CSMD1: variants seen among roughly 807,000 people sequenced by gnomAD.
The protein encoded by CSMD1 is CUB and Sushi multiple domains 1, also known as CUB and sushi domain-containing protein 1.
Under a neutral mutation model 417.5 loss-of-function variants are expected in CSMD1, and 213 were observed. That is an observed-to-expected ratio of 0.51 (90% confidence interval 0.46 to 0.57). The LOEUF is 0.57. Ranked by LOEUF, CSMD1 falls within the 20% of genes least tolerant of loss-of-function variation. The pLI is 0.00. For missense variants in CSMD1, 6,923 were observed against 4,529.7 expected, an observed-to-expected ratio of 1.53 and a Z score of -15.17; for synonymous variants, 2,862 against 1,736.8, an observed-to-expected ratio of 1.65 and a Z score of -16.11.
intron 3 of CSMD1, among the ~76,000 whole-genome samples, chr8:4,209,137 A>C (rs1484788734): frequency 6.6e-6 from 1 of 152,094 alleles, no homozygotes; most frequent in Non-Finnish European, 1.5e-5. Context: ...CATGATTTCT[A>C]TCTAAAACCA....
At chr8:4,680,222 T>G (rs1407001481) in intron 1 of CSMD1, among the ~76,000 whole-genome samples, 1 of 152,230 alleles carries the variant, frequency 6.6e-6, no homozygotes, top group Non-Finnish European at 1.5e-5. Flanking sequence ...AAATGCATGC[T>G]GTGCTTCTGG....
intron 1 of CSMD1, chr8:4,788,691 A>G: frequency 1.8e-6 from 1 of 549,458 alleles, no homozygotes; most frequent in Admixed American, 3.3e-5. Flanking sequence ...AGAGAACACA[A>G]ATAAAATGTA....
chr8:2,987,787 G>C (rs965945942), intron 54 of CSMD1, among the ~76,000 whole-genome samples: 2 of 152,208 alleles, frequency 1.3e-5, no homozygotes, highest in Non-Finnish European at 2.9e-5. Flanking sequence ...GGAGACTGGA[G>C]TCTCAGGGTC....
intron 6 of CSMD1, among the ~76,000 whole-genome samples, chr8:3,721,009 G>C (rs1254378424): frequency 6.6e-6 from 1 of 151,994 alleles, no homozygotes; most frequent in Non-Finnish European, 1.5e-5. Flanking sequence ...TTTTAGTACA[G>C]ACGGGGTTTC....
intron 5 of CSMD1, among the ~76,000 whole-genome samples, chr8:3,840,610 G>C (rs147925736): frequency 0.015 from 2,350 of 151,902 alleles, 58 homozygotes; most frequent in African/African-American, 0.053. Flanking sequence ...ATAGGTGTGA[G>C]TTTATGATAT....
At chr8:4,937,760 G>C (rs934274170) in intron 1 of CSMD1, among the ~76,000 whole-genome samples, 2 of 151,314 alleles carry the variant, frequency 1.3e-5, no homozygotes, top group South Asian at 2.1e-4. Flanking sequence ...GATCTAGAGA[G>C]AAGTTTCTCA....
intron 5 of CSMD1, among the ~76,000 whole-genome samples, chr8:3,767,081 G>A (rs560850794): frequency 3.3e-5 from 5 of 152,314 alleles, no homozygotes; most frequent in Middle Eastern, 3.4e-3. Flanking sequence ...GCCTCCTGCA[G>A]ACCCACTTAA....
At chr8:3,129,052 G>A (rs17079488) in intron 41 of CSMD1, among the ~76,000 whole-genome samples, 20,321 of 152,102 alleles carry the variant, frequency 0.13, 2,046 homozygotes, top group African/African-American at 0.29. Context: ...GAGGACTTAT[G>A]CTTTCTAACG....
intron 1 of CSMD1, among the ~76,000 whole-genome samples, chr8:4,935,614 A>C (rs1176424478): frequency 1.3e-5 from 2 of 152,168 alleles, no homozygotes; most frequent in African/African-American, 4.8e-5. Flanking sequence ...ATTTGCTCTC[A>C]TTCTCCAAAA....
chr8:3,331,807 G>A (rs998535919), intron 23 of CSMD1, among the ~76,000 whole-genome samples: 3 of 152,180 alleles, frequency 2.0e-5, no homozygotes, highest in African/African-American at 7.2e-5. Context: ...TTGAATAGCA[G>A]TTACTCCTAT....
intron 1 of CSMD1, among the ~76,000 whole-genome samples, chr8:4,670,745 G>C (rs1254133542): frequency 2.0e-5 from 3 of 152,112 alleles, no homozygotes; most frequent in African/African-American, 7.2e-5. Context: ...CTAAGTGGTT[G>C]AGAAATACAA....
chr8:4,108,275 G>C lies in CSMD1; in HGVS notation c.416-76176C>G, dbSNP rs967249175. On this transcript the variant is annotated intron_variant, in intron 3 of 69. Coordinates refer to ENST00000635120, the MANE Select transcript of CSMD1 (RefSeq NM_033225.6). ...AGGTTGAGTTGTTTCAAATGCTGTT[G>C]AATGATCTCTGGGAAGCCAGTAAAC... 5.3e-5 allele frequency among the ~76,000 whole-genome samples: 8 copies of C among 152,104 alleles called. No individual in the cohort carries two copies. The South Asian group carries it at 8.3e-4, about 16-fold the overall frequency.
chr8:4,063,780 T>C (rs2130749332), intron 3 of CSMD1, among the ~76,000 whole-genome samples: 1 of 152,256 alleles, frequency 6.6e-6, no homozygotes, highest in Non-Finnish European at 1.5e-5. Context: ...ACTTCTTCAT[T>C]CAGTTCCACT....
chr8:4,929,871 T>G (rs996196097), intron 1 of CSMD1, among the ~76,000 whole-genome samples: 1 of 152,162 alleles, frequency 6.6e-6, no homozygotes, highest in Non-Finnish European at 1.5e-5. Flanking sequence ...ACAAAGGCAC[T>G]TGGCACCACA....
intron 5 of CSMD1, among the ~76,000 whole-genome samples, chr8:3,987,083 G>C (rs1251559624): frequency 6.6e-6 from 1 of 152,182 alleles, no homozygotes; most frequent in Non-Finnish European, 1.5e-5. Flanking sequence ...CTATCATTTT[G>C]TGAAAACGAT....
At chr8:4,632,277 C>A (rs529889936) in intron 2 of CSMD1, among the ~76,000 whole-genome samples, 3 of 152,098 alleles carry the variant, frequency 2.0e-5, no homozygotes, top group Non-Finnish European at 4.4e-5. Context: ...CTTTGGGAGG[C>A]CGAGGTGGGC....
intron 3 of CSMD1, among the ~76,000 whole-genome samples, chr8:4,208,030 A>C (rs778281194): frequency 5.9e-5 from 9 of 152,186 alleles, no homozygotes; most frequent in Non-Finnish European, 8.8e-5. Flanking sequence ...CAGTAGGAGA[A>C]TATGTAAATA....
intron 24 of CSMD1, 57 bp from the exon 25 acceptor site, chr8:3,307,878 T>A: frequency 6.4e-7 from 1 of 1,572,078 alleles, no homozygotes; most frequent in Non-Finnish European, 8.6e-7. Flanking sequence ...ATGTTTCTAT[T>A]TAGCTACTTT....
chr8:4,295,228 G>A (rs577027177), intron 3 of CSMD1, among the ~76,000 whole-genome samples: 39 of 56,980 alleles, frequency 6.8e-4, no homozygotes, highest in South Asian at 1.6e-3. Context: ...ATAATCTTAA[G>A]ATTATATGCA....
Sources: allele counts gnomAD v4.1 joint callset (sites outside exome capture counted in the v4.1 genomes callset), GRCh38; gene constraint gnomAD v4.1.1; transcripts MANE v1.5; gene names NCBI Gene and HGNC (gene_info 2026-07-23, HGNC 2026-07-21).